Variants in LRRTM3 observed in about 807,000 individuals in gnomAD.
LRRTM3 encodes leucine-rich repeat transmembrane neuronal protein 3.
Under a neutral mutation model 44.7 loss-of-function variants are expected in LRRTM3, and 24 were observed. The ratio of observed to expected loss-of-function variants is 0.54; its 90% CI spans 0.39 to 0.76. The LOEUF is 0.76. LRRTM3 is among the 30% of genes least tolerant of loss of function. The pLI, the probability that LRRTM3 is intolerant of heterozygous loss-of-function variation, is 0.00. For missense variants in LRRTM3, 587 were observed against 702.2 expected (o/e 0.84, Z 1.85); for synonymous variants, 277 against 278.7 (o/e 0.99, Z 0.06).
intron 2 of LRRTM3, among the ~76,000 whole-genome samples, chr10:66,961,708 C>A (rs754137617): frequency 1.3e-5 from 2 of 152,096 alleles, no homozygotes; most frequent in South Asian, 4.1e-4. Context: ...ATTATCTATA[C>A]AATATTTGCA....
chr10:67,098,996 G>C lies in LRRTM3; in HGVS notation c.*1200G>C, dbSNP rs891129251. The C allele has an allele frequency of 2.0e-5, 3 of 151,742 alleles. No homozygotes were observed. The highest frequency in any genetic ancestry group is 4.4e-5 in the Non-Finnish European group (3 of 67,844). 9.4% of individuals were successfully genotyped at this position (151,742 alleles called of 1,614,324 possible). A position where few individuals can be genotyped will look rare whatever the true frequency, so the allele number is the denominator to read the frequency against. On this transcript the variant is annotated 3_prime_UTR_variant, in exon 3 of 3. Coordinates refer to ENST00000361320, the MANE Select transcript of LRRTM3 (RefSeq NM_178011.5). ...TCTCCTGAGGAAGAATTTTAAACAT[G>C]TACAGCTCATTCAATATAGATATGA...
intron 2 of LRRTM3, among the ~76,000 whole-genome samples, chr10:66,948,742 T>G (rs1848396547): frequency 6.6e-6 from 1 of 152,170 alleles, no homozygotes; most frequent in Admixed American, 6.5e-5. Flanking sequence ...TAACAATCTG[T>G]TATTTGCTCC....
chr10:67,092,150 G>C (rs748102835), intron 2 of LRRTM3, among the ~76,000 whole-genome samples: 20 of 151,916 alleles, frequency 1.3e-4, no homozygotes, highest in Non-Finnish European at 2.6e-4. Context: ...ACTGTATGCA[G>C]ATGATCAAAA....
chr10:67,049,755 A>G (rs1854968175), intron 2 of LRRTM3, among the ~76,000 whole-genome samples: 1 of 152,216 alleles, frequency 6.6e-6, no homozygotes, highest in Non-Finnish European at 1.5e-5. Context: ...AAAAATTACT[A>G]CTGCACAGAT....
intron 2 of LRRTM3, among the ~76,000 whole-genome samples, chr10:67,080,929 A>G (rs1173931084): frequency 2.9e-5 from 1 of 34,974 alleles, no homozygotes; most frequent in Non-Finnish European, 5.0e-5. Flanking sequence ...AAAAAACAAA[A>G]AAACAACAAA....
chr10:67,025,237 A>G (rs554220557), intron 2 of LRRTM3, among the ~76,000 whole-genome samples: 1 of 152,090 alleles, frequency 6.6e-6, no homozygotes, highest in South Asian at 2.1e-4. Context: ...CACTGAAAGT[A>G]ATTACCAAAG....
intron 2 of LRRTM3, among the ~76,000 whole-genome samples, chr10:67,058,151 C>A (rs964302069): frequency 5.9e-5 from 9 of 152,104 alleles, no homozygotes; most frequent in Admixed American, 1.3e-4. Context: ...AATTACAGTT[C>A]CTATAATCTT....
intron 2 of LRRTM3, among the ~76,000 whole-genome samples, chr10:67,016,808 T>C (rs1303545244): frequency 2.6e-5 from 4 of 152,204 alleles, no homozygotes; most frequent in Non-Finnish European, 5.9e-5. Context: ...TCCCTCTTTT[T>C]TGACTTCTTT....
At chr10:66,987,812 T>G (rs1304080310) in intron 2 of LRRTM3, among the ~76,000 whole-genome samples, 2 of 152,200 alleles carry the variant, frequency 1.3e-5, no homozygotes, top group African/African-American at 4.8e-5. Flanking sequence ...CAAAGATGGA[T>G]TTTGATCCAG....
chr10:67,000,361 G>A (rs1413035371), intron 2 of LRRTM3, among the ~76,000 whole-genome samples: 1 of 152,156 alleles, frequency 6.6e-6, no homozygotes, highest in Admixed American at 6.5e-5. Context: ...AGCTGATGAC[G>A]AAAGTTGATG....
intron 2 of LRRTM3, among the ~76,000 whole-genome samples, chr10:66,973,705 C>T (rs1469013410): frequency 6.6e-6 from 1 of 152,112 alleles, no homozygotes; most frequent in Non-Finnish European, 1.5e-5. Flanking sequence ...CTCACTGCAA[C>T]CTCCATCTCC....
chr10:66,968,530 G>A (rs1244750942), intron 2 of LRRTM3, among the ~76,000 whole-genome samples: 1 of 151,766 alleles, frequency 6.6e-6, no homozygotes, highest in Non-Finnish European at 1.5e-5. Flanking sequence ...CTAAAAAAAC[G>A]TGGTTAGAAG....
At chr10:67,069,852 AT>A (rs1856337673) in intron 2 of LRRTM3, among the ~76,000 whole-genome samples, 1 of 152,116 alleles carries the variant, frequency 6.6e-6, no homozygotes, top group Non-Finnish European at 1.5e-5. Flanking sequence ...TTTTGGCACT[AT>A]TACAAAAAGG....
chr10:67,098,668 G>C lies in LRRTM3; in HGVS notation c.*872G>C, dbSNP rs1858156347. The C allele has an allele frequency of 6.6e-6, 1 of 152,302 alleles. No homozygotes were observed. The highest frequency in any genetic ancestry group is 2.4e-5 in the African/African-American group (1 of 41,392). The allele number at this position is 152,302 out of a possible 1,614,324, so 9.4% of individuals were successfully genotyped here. On this transcript the variant is annotated 3_prime_UTR_variant, in exon 3 of 3. Transcript: ENST00000361320. ...GGACAAAACATCACTGGAAACAAAGGCTGTAACCACAGCAACAGACTTTGT... is the reference window on the plus strand; with the variant it reads ...GGACAAAACATCACTGGAAACAAAGCCTGTAACCACAGCAACAGACTTTGT...
intron 2 of LRRTM3, among the ~76,000 whole-genome samples, chr10:67,035,302 A>G (rs185416088): frequency 2.3e-4 from 35 of 152,354 alleles, no homozygotes; most frequent in Admixed American, 2.3e-3. Flanking sequence ...AGAATTGCAT[A>G]TAACATCATC....
intron 2 of LRRTM3, among the ~76,000 whole-genome samples, chr10:67,045,535 A>C (rs898686587): frequency 6.6e-6 from 1 of 152,148 alleles, no homozygotes. Context: ...CCCGACCCAG[A>C]AGCAGATAGT....
intron 2 of LRRTM3, among the ~76,000 whole-genome samples, chr10:66,997,494 A>G (rs1851421084): frequency 6.6e-6 from 1 of 152,142 alleles, no homozygotes; most frequent in African/African-American, 2.4e-5. Flanking sequence ...GTTTAAACCA[A>G]ATTCTTGTCT....
intron 2 of LRRTM3, among the ~76,000 whole-genome samples, chr10:66,977,249 C>T (rs900963258): frequency 1.3e-5 from 2 of 151,902 alleles, no homozygotes; most frequent in African/African-American, 4.8e-5. Flanking sequence ...CCATACTGGC[C>T]AACATGGTGA....
chr10:66,942,342 T>G (rs1848040736), intron 2 of LRRTM3, among the ~76,000 whole-genome samples: 1 of 152,186 alleles, frequency 6.6e-6, no homozygotes, highest in Non-Finnish European at 1.5e-5. Context: ...CTACCAGCAA[T>G]TTGCAAGCCC....
Sources: allele counts gnomAD v4.1 joint callset (sites outside exome capture counted in the v4.1 genomes callset), GRCh38; gene constraint gnomAD v4.1.1; transcripts MANE v1.5; gene names NCBI Gene and HGNC (gene_info 2026-07-23, HGNC 2026-07-21).